The following RAD54L2 variants were observed in gnomAD, a reference collection of about 807,000 sequenced individuals.
RAD54L2 encodes RAD54 like 2, also known as helicase ARIP4.
A neutral mutation model predicts 138.4 loss-of-function variants in RAD54L2; 27 were observed. The observed-to-expected ratio is 0.20, with a 90% CI of 0.14 to 0.27. RAD54L2 has a LOEUF of 0.27. Among genes scored for constraint, RAD54L2 ranks in the 10% least tolerant of loss-of-function variants. The pLI is 1.00. For synonymous variants in RAD54L2, 644 were observed against 723.2 expected (o/e 0.89, Z 1.76); for missense variants, 1,396 against 1,890.2 (o/e 0.74, Z 4.85).
At chr3:51,641,971 A>C in intron 15 of RAD54L2, 104 bp downstream of exon 15, 2 of 812,630 alleles carry the variant, frequency 2.5e-6, no homozygotes, top group Non-Finnish European at 4.0e-6. Flanking sequence ...AATGCATAGG[A>C]ATATTTGTGA....
At chr3:51,632,944 G>A (rs975825774) in intron 7 of RAD54L2, among the ~76,000 whole-genome samples, 3 of 151,890 alleles carry the variant, frequency 2.0e-5, no homozygotes, top group African/African-American at 7.3e-5. Context: ...ATGTGGCTGG[G>A]CACAGTGGCT....
chr3:51,640,266 A>G (rs1701098462), intron 14 of RAD54L2, among the ~76,000 whole-genome samples: 1 of 152,188 alleles, frequency 6.6e-6, no homozygotes, highest in South Asian at 2.1e-4. Flanking sequence ...TAGTTTTTAC[A>G]TTTTTAAAAG....
chr3:51,638,673 A>G lies in RAD54L2; in HGVS notation c.1860+352A>G, dbSNP rs562225630. 1.0e-5 allele frequency: 2 copies of G among 199,606 alleles called. No individual in the cohort carries two copies. The highest frequency in any genetic ancestry group is 5.4e-5 in the Admixed American group (1 of 18,680). 12.4% of individuals were successfully genotyped at this position (199,606 alleles called of 1,614,324 possible). A position where few individuals can be genotyped will look rare whatever the true frequency, so the allele number is the denominator to read the frequency against. On this transcript the variant is annotated intron_variant, in intron 12 of 22. Transcript: ENST00000684192. The surrounding 1 kb of genome is among the most constrained non-coding windows in gnomAD (Gnocchi z 4.3). ...AGATATATAGCTTAGACAAGTTATT[A>G]GGGGTACCTTCCATTGGATTCCATA... is the stretch of plus-strand genomic sequence containing the variant.
intron 10 of RAD54L2, among the ~76,000 whole-genome samples, 155 bp downstream of exon 10, chr3:51,635,944 C>A (rs1235034205): frequency 2.0e-5 from 3 of 152,174 alleles, no homozygotes; most frequent in African/African-American, 7.2e-5. Flanking sequence ...AGGATGACTT[C>A]CAATGGCTCT....
chr3:51,662,291 G>A lies in RAD54L2; in HGVS notation c.3410-135G>A, dbSNP rs1701798118. The A allele has an allele frequency of 2.8e-6, 2 of 723,374 alleles. No homozygotes were observed. The highest frequency in any genetic ancestry group is 3.4e-5 in the South Asian group (1 of 29,110). 44.8% of individuals were successfully genotyped at this position (723,374 alleles called of 1,614,324 possible). On this transcript the variant is annotated intron_variant, in intron 22 of 22. Transcript: ENST00000684192. The surrounding 1 kb of genome is among the most constrained non-coding windows in gnomAD (Gnocchi z 4.6). ...TTTGTGACTGGAAAAGGTTGACTGGGTGATGTTGTTCAGACATCAAACTAT... is the reference window on the plus strand; with the variant it reads ...TTTGTGACTGGAAAAGGTTGACTGGATGATGTTGTTCAGACATCAAACTAT...
intron 3 of RAD54L2, among the ~76,000 whole-genome samples, chr3:51,624,377 C>T (rs547429382): frequency 1.6e-4 from 25 of 152,028 alleles, no homozygotes; most frequent in African/African-American, 6.0e-4. Flanking sequence ...GCTGGGACTA[C>T]AAGCACAAGT....
chr3:51,592,433 A>G (rs6771194), intron 3 of RAD54L2, among the ~76,000 whole-genome samples: 84,898 of 151,710 alleles, frequency 0.56, 24,208 homozygotes, highest in Non-Finnish European at 0.61. Context: ...CAAACGTTCC[A>G]TTAGGCCCTA....
At chr3:51,613,837 A>G (rs1365485383) in intron 3 of RAD54L2, among the ~76,000 whole-genome samples, 1 of 151,844 alleles carries the variant, frequency 6.6e-6, no homozygotes, top group Non-Finnish European at 1.5e-5. Flanking sequence ...TTTTAGCGTT[A>G]ATTCTGCTAA....
chr3:51,586,592 G>C (rs1321503368), intron 2 of RAD54L2, among the ~76,000 whole-genome samples: 1 of 148,470 alleles, frequency 6.7e-6, no homozygotes, highest in Non-Finnish European at 1.5e-5. Flanking sequence ...TTTTGAGATG[G>C]AGTTTCACTC....
rs774002828 is a variant in RAD54L2 at position 51,646,311 on chromosome 3, C to G, written c.2856C>G (p.Leu952=). 4 of 1,597,112 alleles carry G rather than the reference C, an allele frequency of 2.5e-6. No homozygotes were observed. The highest frequency in any genetic ancestry group is 2.7e-5 in the African/African-American group (2 of 74,546). ...TKEPFEHESL[L]LNRKDHKLTK... is the part of the protein sequence containing the mutation. Reference sequence around the variant, plus strand: ...AGCCTTTCGAGCATGAGTCATTGCTCTTGAACCGAAAGGATCACAAGCTAA... The same window carrying G: ...AGCCTTTCGAGCATGAGTCATTGCTGTTGAACCGAAAGGATCACAAGCTAA... The change falls in exon 19 of 23, where the codon CTC becomes CTG. Residue 952 remains leucine (L), a synonymous_variant. Transcript: ENST00000684192.
intron 2 of RAD54L2, among the ~76,000 whole-genome samples, chr3:51,584,480 G>A (rs997256899): frequency 1.3e-5 from 2 of 152,068 alleles, no homozygotes; most frequent in Non-Finnish European, 2.9e-5. Flanking sequence ...GAGGTTTGAA[G>A]TATGCATTGG....
At chr3:51,591,080 A>G (rs536079208) in intron 3 of RAD54L2, among the ~76,000 whole-genome samples, 1 of 152,342 alleles carries the variant, frequency 6.6e-6, no homozygotes, top group Admixed American at 6.5e-5. Flanking sequence ...CCTCTTGGCC[A>G]TTCCAGTGAC....
intron 2 of RAD54L2, among the ~76,000 whole-genome samples, chr3:51,587,931 G>A (rs1161122871): frequency 6.6e-6 from 1 of 151,902 alleles, no homozygotes; most frequent in Non-Finnish European, 1.5e-5. Context: ...ATTTATGGCC[G>A]GGTGCGGTGG....
chr3:51,590,391 G>A lies in RAD54L2; in HGVS notation c.-30G>A, dbSNP rs185798981. On this transcript the variant is annotated 5_prime_UTR_variant, in exon 3 of 23. Transcript: ENST00000684192. ...GCACCCCTGCAGTGGACCATGAGTCGGTAATGCCCACTGAGGACCTCTGGG... is the reference window on the plus strand; with the variant it reads ...GCACCCCTGCAGTGGACCATGAGTCAGTAATGCCCACTGAGGACCTCTGGG... 105 of 1,495,806 alleles carry A rather than the reference G, an allele frequency of 7.0e-5. 1 individual carries two copies. The Admixed American group carries it at 1.5e-3, about 21-fold the overall frequency. The allele number at this position is 1,495,806 out of a possible 1,614,324, so 92.7% of individuals were successfully genotyped here.
intron 2 of RAD54L2, among the ~76,000 whole-genome samples, chr3:51,579,020 CT>C (rs1699546900): frequency 6.6e-6 from 1 of 152,174 alleles, no homozygotes; most frequent in African/African-American, 2.4e-5. Flanking sequence ...TAATCTTCCC[CT>C]GTAGGCCTTC....
chr3:51,572,467 A>AG (rs1214703056), intron 2 of RAD54L2, among the ~76,000 whole-genome samples: 7 of 150,676 alleles, frequency 4.6e-5, no homozygotes, highest in African/African-American at 1.7e-4. Flanking sequence ...AAAAAAAAAA[A>AG]AAAGGCTGGA....
At chr3:51,650,252 T>C (rs1236467660) in intron 19 of RAD54L2, among the ~76,000 whole-genome samples, 1 of 152,176 alleles carries the variant, frequency 6.6e-6, no homozygotes, top group Admixed American at 6.5e-5. Flanking sequence ...TAAATATATA[T>C]GCACCCAATA....
intron 3 of RAD54L2, among the ~76,000 whole-genome samples, chr3:51,604,458 C>T (rs929506390): frequency 2.0e-5 from 3 of 152,094 alleles, no homozygotes; most frequent in Non-Finnish European, 4.4e-5. Flanking sequence ...TCCCACATAG[C>T]TTTCAGGGAA....
At chr3:51,630,538 T>C in intron 6 of RAD54L2, 150 bp downstream of exon 6, 2 of 981,896 alleles carry the variant, frequency 2.0e-6, no homozygotes, top group Non-Finnish European at 3.0e-6. Context: ...TATAAGTTTT[T>C]TGCTTGTCTT....
Sources: allele counts gnomAD v4.1 joint callset (sites outside exome capture counted in the v4.1 genomes callset), GRCh38; gene constraint gnomAD v4.1.1; non-coding constraint Gnocchi (gnomAD v3.1); transcripts MANE v1.5; gene names NCBI Gene and HGNC (gene_info 2026-07-23, HGNC 2026-07-21).